Variants in MARCHF1 observed in about 807,000 individuals in gnomAD.
MARCHF1 encodes membrane associated ring-CH-type finger 1.
MARCHF1 carries 40 observed loss-of-function variants against 54.2 expected under a neutral mutation model. That is an observed-to-expected ratio of 0.74 (90% CI 0.57 to 0.96). The LOEUF (loss-of-function observed/expected upper bound fraction) is 0.96. MARCHF1 is among the 40% of genes least tolerant of loss of function. The pLI is 0.00. For synonymous variants in MARCHF1, 236 were observed against 236.3 expected, an observed-to-expected ratio of 1.00 and a Z score of 0.01; for missense variants, 586 against 656.5, an observed-to-expected ratio of 0.89 and a Z score of 1.17.
Position 164,151,044 on chromosome 4 carries a change from A to G in MARCHF1, c.-322-39382T>C, listed in dbSNP as rs183281416. 5.2e-3 allele frequency among the ~76,000 whole-genome samples: 788 copies of G among 152,316 alleles called. 9 individuals carry two copies. The highest frequency in any genetic ancestry group is 0.018 in the African/African-American group (759 of 41,578). ...AGAAAATCACAGTCAAGGACCTTTC[A>G]AAACTGGAAAAGGAAAGGAGATAGA... On this transcript the variant is annotated intron_variant, in intron 1 of 9. Transcript: ENST00000514618.
chr4:163,556,625 T>A (rs1255384821), intron 8 of MARCHF1, among the ~76,000 whole-genome samples: 1 of 151,860 alleles, frequency 6.6e-6, no homozygotes. Flanking sequence ...ACGATTTATA[T>A]ATAAATAAAA....
intron 2 of MARCHF1, among the ~76,000 whole-genome samples, chr4:164,082,204 C>G (rs779352439): frequency 1.3e-5 from 2 of 152,118 alleles, no homozygotes; most frequent in African/African-American, 2.4e-5. Flanking sequence ...TCCAGTGAAG[C>G]CTGTCTTCTT....
At chr4:164,205,294 C>T (rs1251660699) in intron 1 of MARCHF1, among the ~76,000 whole-genome samples, 1 of 152,098 alleles carries the variant, frequency 6.6e-6, no homozygotes, top group East Asian at 1.9e-4. Flanking sequence ...GTGCAAAGAA[C>T]TTTACTTATT....
At chr4:164,346,946 G>T (rs890504485) in intron 1 of MARCHF1, among the ~76,000 whole-genome samples, 3 of 151,786 alleles carry the variant, frequency 2.0e-5, no homozygotes, top group African/African-American at 7.3e-5. Flanking sequence ...CTTTAATTTA[G>T]AAAACTCCCT....
chr4:163,817,350 CACATATACATACAT>C (rs1476253693), intron 4 of MARCHF1, among the ~76,000 whole-genome samples: 1 of 151,518 alleles, frequency 6.6e-6, no homozygotes, highest in Non-Finnish European at 1.5e-5. Flanking sequence ...TGTACATATA[CACATATACATACAT>C]ACATATACAT....
At chr4:163,896,273 G>A (rs1276277590) in intron 3 of MARCHF1, among the ~76,000 whole-genome samples, 2 of 152,160 alleles carry the variant, frequency 1.3e-5, no homozygotes, top group African/African-American at 4.8e-5. Context: ...ACAGGATTCA[G>A]TGGGGATCTG....
intron 2 of MARCHF1, among the ~76,000 whole-genome samples, chr4:164,013,668 G>A (rs895904357): frequency 6.6e-6 from 1 of 152,158 alleles, no homozygotes; most frequent in Non-Finnish European, 1.5e-5. Context: ...ATATAAAGGA[G>A]TTCTGATGTT....
At chr4:164,202,842 T>C (rs1731491564) in intron 1 of MARCHF1, among the ~76,000 whole-genome samples, 1 of 152,208 alleles carries the variant, frequency 6.6e-6, no homozygotes, top group African/African-American at 2.4e-5. Context: ...CAAACTATAG[T>C]AACCCCTGTA....
At chr4:163,569,569 A>G (rs895157416) in intron 8 of MARCHF1, among the ~76,000 whole-genome samples, 5 of 111,324 alleles carry the variant, frequency 4.5e-5, no homozygotes, top group African/African-American at 1.8e-4. Context: ...CCTACGAACC[A>G]TCTAAGGGGG....
intron 2 of MARCHF1, among the ~76,000 whole-genome samples, chr4:164,080,668 G>GTA (rs1235485244): frequency 3.3e-4 from 50 of 150,466 alleles, no homozygotes; most frequent in African/African-American, 1.2e-3. Flanking sequence ...GTGTGTGTGT[G>GTA]TGTATATATA....
intron 3 of MARCHF1, among the ~76,000 whole-genome samples, chr4:163,981,159 T>G (rs1282558661): frequency 6.6e-6 from 1 of 152,192 alleles, no homozygotes; most frequent in Non-Finnish European, 1.5e-5. Flanking sequence ...TTTTTTTTTT[T>G]TCCTAAGAAA....
At chr4:164,055,922 T>C (rs963747343) in intron 2 of MARCHF1, among the ~76,000 whole-genome samples, 2 of 152,236 alleles carry the variant, frequency 1.3e-5, no homozygotes, top group Non-Finnish European at 2.9e-5. Flanking sequence ...TCTGTTTTAG[T>C]GATGCTGCTC....
chr4:163,632,988 C>T (rs2111000427), intron 5 of MARCHF1, among the ~76,000 whole-genome samples: 1 of 152,302 alleles, frequency 6.6e-6, no homozygotes, highest in East Asian at 1.9e-4. Context: ...CAGGGGCACG[C>T]TGACACCTCA....
At chr4:163,921,267 T>C (rs542500552) in intron 3 of MARCHF1, among the ~76,000 whole-genome samples, 1 of 144,156 alleles carries the variant, frequency 6.9e-6, no homozygotes, top group East Asian at 2.2e-4. Flanking sequence ...AGAGGAAACT[T>C]CCATTAATTT....
chr4:164,368,521 C>A (rs1730943775), intron 1 of MARCHF1, among the ~76,000 whole-genome samples: 1 of 151,932 alleles, frequency 6.6e-6, no homozygotes, highest in African/African-American at 2.4e-5. Context: ...GCTAATATAA[C>A]CTTATTATCA....
intron 7 of MARCHF1, among the ~76,000 whole-genome samples, chr4:163,601,537 C>A (rs1227121201): frequency 6.6e-6 from 1 of 151,914 alleles, no homozygotes; most frequent in Non-Finnish European, 1.5e-5. Context: ...TAAACTCTAT[C>A]TAATTCATAA....
chr4:164,288,858 C>G (rs1376406867), intron 1 of MARCHF1, among the ~76,000 whole-genome samples: 1 of 152,050 alleles, frequency 6.6e-6, no homozygotes, highest in African/African-American at 2.4e-5. Flanking sequence ...TTGTTATTGA[C>G]TCTCAGCAAG....
chr4:163,694,914 C>T (rs1744572295), intron 5 of MARCHF1, among the ~76,000 whole-genome samples: 1 of 152,112 alleles, frequency 6.6e-6, no homozygotes, highest in Non-Finnish European at 1.5e-5. Flanking sequence ...ATTTCCTCAA[C>T]TTTGGTCTCA....
chr4:164,170,889 T>A (rs946598112), intron 1 of MARCHF1, among the ~76,000 whole-genome samples: 1 of 152,164 alleles, frequency 6.6e-6, no homozygotes, highest in Non-Finnish European at 1.5e-5. Flanking sequence ...GGCATGTTAC[T>A]CATGTTCACA....
Sources: allele counts gnomAD v4.1 joint callset (sites outside exome capture counted in the v4.1 genomes callset), GRCh38; gene constraint gnomAD v4.1.1; transcripts MANE v1.5; gene names NCBI Gene and HGNC (gene_info 2026-07-23, HGNC 2026-07-21).